Variants in PCDH15 observed in about 807,000 individuals in gnomAD.
The protein encoded by PCDH15 is protocadherin related 15.
A neutral mutation model predicts 178.5 loss-of-function variants in PCDH15; 129 were observed. That is an observed-to-expected ratio of 0.72 (90% CI 0.63 to 0.84). The LOEUF is 0.84. Ranked by LOEUF, PCDH15 falls within the 40% of genes least tolerant of loss-of-function variation. PCDH15 has a pLI of 0.00. For synonymous variants in PCDH15, 800 were observed against 732.0 expected, an observed-to-expected ratio of 1.09 and a Z score of -1.50; for missense variants, 2,230 against 2,099.9, an observed-to-expected ratio of 1.06 and a Z score of -1.21.
At chr10:54,054,424 G>A (rs1397094461) in intron 18 of PCDH15, among the ~76,000 whole-genome samples, 6 of 152,066 alleles carry the variant, frequency 3.9e-5, no homozygotes, top group South Asian at 2.1e-4. Flanking sequence ...GAGAGACAGA[G>A]AGAGATCCTA....
chr10:54,679,211 A>AAAC (rs1555144837), intron 1 of PCDH15, among the ~76,000 whole-genome samples: 6 of 147,836 alleles, frequency 4.1e-5, no homozygotes, highest in Non-Finnish European at 4.5e-5. Flanking sequence ...AAAAAAAAAA[A>AAAC]CATACAATTG....
At chr10:54,302,951 T>C (rs919878418) in intron 8 of PCDH15, among the ~76,000 whole-genome samples, 4 of 152,152 alleles carry the variant, frequency 2.6e-5, no homozygotes, top group African/African-American at 7.2e-5. Context: ...CCCACACATA[T>C]TAAAAATTTA....
intron 13 of PCDH15, among the ~76,000 whole-genome samples, chr10:54,166,141 T>A (rs1564578570): frequency 6.6e-6 from 1 of 152,224 alleles, no homozygotes; most frequent in Admixed American, 6.5e-5. Context: ...CCTTTGGCCG[T>A]ATCATTTCAT....
chr10:54,635,150 C>T (rs2093813574), intron 2 of PCDH15, among the ~76,000 whole-genome samples: 1 of 109,850 alleles, frequency 9.1e-6, no homozygotes, highest in Non-Finnish European at 2.1e-5. Context: ...GAAATGTATA[C>T]AAATAGTCTC....
chr10:55,344,158 G>A (rs182877818), intron 2 of PCDH15, among the ~76,000 whole-genome samples: 189 of 152,222 alleles, frequency 1.2e-3, no homozygotes, highest in African/African-American at 3.9e-3. Flanking sequence ...AGTGTGCTTG[G>A]CAATATTCAA....
chr10:54,932,498 G>T (rs577981384), intron 2 of PCDH15, among the ~76,000 whole-genome samples: 1 of 152,158 alleles, frequency 6.6e-6, no homozygotes, highest in African/African-American at 2.4e-5. Context: ...ATATGCTAAG[G>T]TTAATTTATT....
chr10:54,280,776 A>G (rs1393626734), intron 8 of PCDH15, among the ~76,000 whole-genome samples: 1 of 150,942 alleles, frequency 6.6e-6, no homozygotes, highest in Non-Finnish European at 1.5e-5. Context: ...GCAAGCCAGT[A>G]TTTTACATTA....
At chr10:54,076,535 C>T (rs1320955947) in intron 17 of PCDH15, among the ~76,000 whole-genome samples, 1 of 151,154 alleles carries the variant, frequency 6.6e-6, no homozygotes, top group Non-Finnish European at 1.5e-5. Flanking sequence ...ATGTTGAACA[C>T]AAATGGTAAA....
At chr10:54,175,007 T>C (rs77959286) in intron 13 of PCDH15, among the ~76,000 whole-genome samples, 2,511 of 152,264 alleles carry the variant, frequency 0.016, 30 homozygotes, top group South Asian at 0.069. Flanking sequence ...GAGTGGTCTT[T>C]AGAAAAAAAT....
chr10:54,886,065 C>A (rs990667350), intron 3 of PCDH15, among the ~76,000 whole-genome samples: 23 of 145,174 alleles, frequency 1.6e-4, no homozygotes, highest in Admixed American at 1.4e-3. Flanking sequence ...TAATAAGAAG[C>A]TATTTTCAGA....
chr10:54,083,722 T>C (rs569883334), intron 16 of PCDH15, among the ~76,000 whole-genome samples: 2 of 152,290 alleles, frequency 1.3e-5, no homozygotes, highest in South Asian at 4.1e-4. Context: ...GGTGCATGAG[T>C]TCTGAATCTC....
intron 2 of PCDH15, among the ~76,000 whole-genome samples, chr10:55,093,596 T>C (rs1389541014): frequency 1.3e-5 from 2 of 152,102 alleles, no homozygotes; most frequent in African/African-American, 4.8e-5. Flanking sequence ...TCTTCTAGTG[T>C]TTTTATGGTT....
intron 2 of PCDH15, among the ~76,000 whole-genome samples, chr10:54,596,900 GCCTATATATACATGCA>G (rs1356978547): frequency 6.6e-6 from 1 of 152,068 alleles, no homozygotes; most frequent in East Asian, 1.9e-4. Flanking sequence ...GACCTAACTA[GCCTATATATACATGCA>G]CCTAACACAG....
intron 2 of PCDH15, among the ~76,000 whole-genome samples, chr10:55,003,510 G>C (rs143765887): frequency 6.6e-6 from 1 of 151,808 alleles, no homozygotes; most frequent in Non-Finnish European, 1.5e-5. Context: ...TAACAACTGA[G>C]TAGAGCGTAC....
intron 2 of PCDH15, among the ~76,000 whole-genome samples, chr10:55,338,980 G>A (rs982685100): frequency 2.0e-5 from 3 of 151,288 alleles, no homozygotes; most frequent in African/African-American, 7.3e-5. Flanking sequence ...TGTTACCAGA[G>A]GCTTGGAAGA....
intron 2 of PCDH15, among the ~76,000 whole-genome samples, chr10:55,593,825 T>C (rs1054178578): frequency 3.3e-5 from 5 of 151,786 alleles, no homozygotes; most frequent in Non-Finnish European, 7.4e-5. Flanking sequence ...CTAATTACCA[T>C]TAGATCCACC....
intron 15 of PCDH15, among the ~76,000 whole-genome samples, chr10:54,099,739 G>T (rs1034099519): frequency 6.6e-6 from 1 of 151,710 alleles, no homozygotes; most frequent in African/African-American, 2.4e-5. Flanking sequence ...TGCTAGAAAT[G>T]AGAAATAATA....
At chr10:55,406,411 T>C (rs1489836462) in intron 2 of PCDH15, among the ~76,000 whole-genome samples, 1 of 152,108 alleles carries the variant, frequency 6.6e-6, no homozygotes, top group Non-Finnish European at 1.5e-5. Flanking sequence ...GGCTTTGCAG[T>C]GAAAATGATA....
chr10:55,017,060 T>A (rs1358426128), intron 2 of PCDH15, among the ~76,000 whole-genome samples: 1 of 152,106 alleles, frequency 6.6e-6, no homozygotes, highest in Non-Finnish European at 1.5e-5. Flanking sequence ...TATGCATCTA[T>A]CACAAAGAGA....
Sources: allele counts gnomAD v4.1 joint callset (sites outside exome capture counted in the v4.1 genomes callset), GRCh38; gene constraint gnomAD v4.1.1; transcripts MANE v1.5; gene names NCBI Gene and HGNC (gene_info 2026-07-23, HGNC 2026-07-21).